COPG2: variants seen among roughly 807,000 people sequenced by gnomAD.
The protein encoded by COPG2 is coatomer subunit gamma-2.
Under a neutral mutation model 46.3 loss-of-function variants are expected in COPG2, and 37 were observed. The ratio of observed to expected loss-of-function variants is 0.80; its 90% CI spans 0.61 to 1.05. The LOEUF (loss-of-function observed/expected upper bound fraction) is 1.05, where lower values mean the gene tolerates loss of function less well. COPG2 is among the 50% of genes least tolerant of loss of function. The pLI is 0.00. For missense variants in COPG2, 427 were observed against 387.8 expected (o/e 1.10, Z -0.85); for synonymous variants, 159 against 129.7 (o/e 1.23, Z -1.53).
chr7:130,518,081 G>A (rs1418081429), intron 20 of COPG2, among the ~76,000 whole-genome samples: 3 of 152,178 alleles, frequency 2.0e-5, no homozygotes, highest in African/African-American at 4.8e-5. Context: ...TGCAAACACA[G>A]CACTACGTAT....
chr7:130,613,703 T>C, intron 6 of COPG2, 67 bp from the exon 7 acceptor site: 2 of 1,025,406 alleles, frequency 2.0e-6, no homozygotes, highest in Non-Finnish European at 3.0e-6. Context: ...CTCTTATGCT[T>C]CAAAATAATT....
chr7:130,531,783 A>G (rs1799827866), intron 20 of COPG2, among the ~76,000 whole-genome samples: 1 of 147,358 alleles, frequency 6.8e-6, no homozygotes, highest in Non-Finnish European at 1.5e-5. Context: ...GCAGGGAACC[A>G]AGGTGGTCGC....
chr7:130,513,682 T>C (rs937135421), intron 20 of COPG2, among the ~76,000 whole-genome samples: 1 of 152,082 alleles, frequency 6.6e-6, no homozygotes, highest in African/African-American at 2.4e-5. Flanking sequence ...ATTCTTGCCA[T>C]AGGCAGTGGC....
intron 9 of COPG2, among the ~76,000 whole-genome samples, chr7:130,591,769 AG>A (rs1794432177): frequency 7.1e-6 from 1 of 141,492 alleles, no homozygotes; most frequent in Non-Finnish European, 1.5e-5. Context: ...CCCGTCCGGG[AG>A]GGAAGTGGAG....
intron 9 of COPG2, among the ~76,000 whole-genome samples, chr7:130,597,055 C>CTGCT (rs1794542699): frequency 6.6e-6 from 1 of 152,226 alleles, no homozygotes; most frequent in Admixed American, 6.5e-5. Context: ...CTCGCGGGAA[C>CTGCT]TGCTGCCTTT....
At chr7:130,663,923 T>C (rs1796027030) in intron 3 of COPG2, among the ~76,000 whole-genome samples, 1 of 151,888 alleles carries the variant, frequency 6.6e-6, no homozygotes, top group Non-Finnish European at 1.5e-5. Flanking sequence ...TTATCTTTAG[T>C]AGAGACGGGG....
At chr7:130,541,006 C>G (rs1799930159) in intron 20 of COPG2, among the ~76,000 whole-genome samples, 1 of 152,172 alleles carries the variant, frequency 6.6e-6, no homozygotes, top group African/African-American at 2.4e-5. Context: ...GTCCTGCATT[C>G]TCGGGTGAGA....
intron 14 of COPG2, among the ~76,000 whole-genome samples, chr7:130,553,012 G>A (rs1793557212): frequency 6.6e-6 from 1 of 152,166 alleles, no homozygotes; most frequent in Admixed American, 6.6e-5. Flanking sequence ...CCGAATTGGT[G>A]GTGGAAAACT....
At chr7:130,542,842 A>G (rs936616385) in intron 20 of COPG2, among the ~76,000 whole-genome samples, 50 of 152,290 alleles carry the variant, frequency 3.3e-4, no homozygotes, top group East Asian at 1.9e-3. Context: ...AAGGGCTGAC[A>G]TGGAATAGGG....
At chr7:130,544,591 G>A (rs1446480753) in intron 20 of COPG2, among the ~76,000 whole-genome samples, 1 of 152,096 alleles carries the variant, frequency 6.6e-6, no homozygotes, top group African/African-American at 2.4e-5. Flanking sequence ...GAATGGTTTT[G>A]AATAGGTAGT....
rs377650177 is a variant in COPG2, at chr7:130,507,388, G to A, written c.2387-16C>T. The A allele has an allele frequency of 6.5e-5, 51 of 780,400 alleles. No individual in the cohort carries two copies. The highest frequency in any genetic ancestry group is 1.0e-4 in the Non-Finnish European group (43 of 417,796). 48.3% of individuals were successfully genotyped at this position (780,400 alleles called of 1,614,324 possible). On this transcript the variant is annotated splice_polypyrimidine_tract_variant and intron_variant, in intron 22 of 23. Coordinates refer to ENST00000425248, the MANE Select transcript of COPG2 (RefSeq NM_012133.6). ...TTGACAGCCTCTGTGTTGAGAAGATGTATGAGACAGTATTAGGAAAGTAAA... is the reference window on the plus strand; with the variant it reads ...TTGACAGCCTCTGTGTTGAGAAGATATATGAGACAGTATTAGGAAAGTAAA...
intron 5 of COPG2, among the ~76,000 whole-genome samples, chr7:130,641,586 A>G (rs1795489972): frequency 6.6e-6 from 1 of 152,230 alleles, no homozygotes; most frequent in South Asian, 2.1e-4. Context: ...TGGACAGAAA[A>G]TTAACTTTTA....
chr7:130,636,579 A>C (rs1336637840), intron 5 of COPG2, among the ~76,000 whole-genome samples: 1 of 122,022 alleles, frequency 8.2e-6, no homozygotes, highest in Non-Finnish European at 1.7e-5. Flanking sequence ...TGCTTGGTAA[A>C]TATTCTTCCA....
intron 5 of COPG2, among the ~76,000 whole-genome samples, chr7:130,652,663 A>C (rs1795771569): frequency 1.3e-5 from 2 of 152,182 alleles, no homozygotes. Context: ...CAAATCTATC[A>C]GTATTATCTT....
intron 5 of COPG2, among the ~76,000 whole-genome samples, chr7:130,625,099 G>A (rs782555675): frequency 1.4e-4 from 22 of 151,736 alleles, no homozygotes; most frequent in Non-Finnish European, 2.5e-4. Flanking sequence ...TTTTAATTAC[G>A]GCCATTCTGG....
intron 5 of COPG2, among the ~76,000 whole-genome samples, chr7:130,624,110 C>T (rs1207941111): frequency 1.3e-5 from 2 of 152,054 alleles, no homozygotes; most frequent in African/African-American, 4.8e-5. Context: ...AAGAGACTAG[C>T]TAGCTCTCTG....
chr7:130,614,636 C>T (rs1199113518), intron 6 of COPG2, among the ~76,000 whole-genome samples: 2 of 152,222 alleles, frequency 1.3e-5, no homozygotes, highest in Non-Finnish European at 2.9e-5. Context: ...ATATAAGCTA[C>T]TGGCCTATTG....
intron 4 of COPG2, among the ~76,000 whole-genome samples, chr7:130,661,156 C>T (rs1009686309): frequency 2.0e-5 from 3 of 152,218 alleles, no homozygotes; most frequent in Non-Finnish European, 4.4e-5. Flanking sequence ...TTCCCTAATC[C>T]ATTTCCTAGA....
intron 20 of COPG2, among the ~76,000 whole-genome samples, chr7:130,523,664 G>C (rs1296184602): frequency 2.6e-5 from 4 of 152,192 alleles, no homozygotes; most frequent in Non-Finnish European, 4.4e-5. Flanking sequence ...CCAACGCCTC[G>C]GTCCCAGACT....
Sources: allele counts gnomAD v4.1 joint callset (sites outside exome capture counted in the v4.1 genomes callset), GRCh38; gene constraint gnomAD v4.1.1; transcripts MANE v1.5; gene names NCBI Gene and HGNC (gene_info 2026-07-23, HGNC 2026-07-21).